Variants in BLTP3B observed in about 807,000 individuals in gnomAD.
BLTP3B encodes the protein bridge-like lipid transfer protein family member 3B, also known as UHRF1 (ICBP90) binding protein 1-like.
At chr12:100,132,861 T>C in the BLTP3B span, among the ~76,000 whole-genome samples, 1 of 152,042 alleles carries the variant, frequency 6.6e-6, no homozygotes, top group African/African-American at 2.4e-5. Flanking sequence ...GGCATAAGAA[T>C]TGCTTAAGCC....
the BLTP3B span, among the ~76,000 whole-genome samples, chr12:100,129,835 C>G: frequency 6.6e-6 from 1 of 152,150 alleles, no homozygotes; most frequent in Non-Finnish European, 1.5e-5. Flanking sequence ...ATTTGGAGGA[C>G]CTAAAAAATT....
At chr12:100,086,442 T>TG in the BLTP3B span, 1 of 824,500 alleles carries the variant, frequency 1.2e-6, no homozygotes, top group East Asian at 2.8e-5. Context: ...TTAGCATACT[T>TG]GGAGTCCAAA....
the BLTP3B span, chr12:100,103,831 G>A: frequency 3.3e-6 from 4 of 1,205,022 alleles, no homozygotes; most frequent in South Asian, 2.0e-5. Flanking sequence ...ATATTTCCAT[G>A]AAACAAAAGA....
At chr12:100,075,614 T>C in the BLTP3B span, among the ~76,000 whole-genome samples, 1 of 152,090 alleles carries the variant, frequency 6.6e-6, no homozygotes, top group Non-Finnish European at 1.5e-5. Flanking sequence ...CCAGAATCTA[T>C]AAGGAACTTG....
At chr12:100,087,337 C>T in the BLTP3B span, among the ~76,000 whole-genome samples, 1 of 151,836 alleles carries the variant, frequency 6.6e-6, no homozygotes, top group Non-Finnish European at 1.5e-5. Context: ...AAAATACTAA[C>T]TGAGACATAG....
At chr12:100,131,020 A>AGAGG in the BLTP3B span, among the ~76,000 whole-genome samples, 2 of 145,740 alleles carry the variant, frequency 1.4e-5, no homozygotes, top group Admixed American at 1.4e-4. Context: ...AGAGAGAGAG[A>AGAGG]GAGAGAGAGA....
chr12:100,092,472 T>A, the BLTP3B span, among the ~76,000 whole-genome samples: 2 of 152,126 alleles, frequency 1.3e-5, no homozygotes, highest in Non-Finnish European at 2.9e-5. Flanking sequence ...AAAGTACATA[T>A]GCTGGGGCAA....
chr12:100,112,433 G>A, the BLTP3B span, among the ~76,000 whole-genome samples: 1 of 152,164 alleles, frequency 6.6e-6, no homozygotes, highest in African/African-American at 2.4e-5. Context: ...CTTGAGCCTG[G>A]GAGGTCAAGG....
chr12:100,120,992 C>T, the BLTP3B span, among the ~76,000 whole-genome samples: 2 of 152,070 alleles, frequency 1.3e-5, no homozygotes, highest in African/African-American at 4.8e-5. Context: ...AGATTAATTG[C>T]AAGATAATAA....
the BLTP3B span, among the ~76,000 whole-genome samples, chr12:100,062,517 A>T: frequency 6.6e-6 from 1 of 152,354 alleles, no homozygotes; most frequent in South Asian, 2.1e-4. Context: ...AAAAACAGTT[A>T]AACTTAATCT....
At chr12:100,126,724 T>C in the BLTP3B span, among the ~76,000 whole-genome samples, 1 of 152,176 alleles carries the variant, frequency 6.6e-6, no homozygotes, top group Non-Finnish European at 1.5e-5. Context: ...AAGGATGGAA[T>C]ACAGAAGTAT....
At chr12:100,106,220 AAGG>A in the BLTP3B span, among the ~76,000 whole-genome samples, 2 of 152,102 alleles carry the variant, frequency 1.3e-5, no homozygotes, top group African/African-American at 4.8e-5. Flanking sequence ...TACCTATCCA[AAGG>A]AAGAGAAGTC....
At chr12:100,075,325 T>C in the BLTP3B span, among the ~76,000 whole-genome samples, 2 of 152,004 alleles carry the variant, frequency 1.3e-5, no homozygotes, top group Non-Finnish European at 2.9e-5. Flanking sequence ...TTCTACTATA[T>C]ACAAAAATTA....
the BLTP3B span, among the ~76,000 whole-genome samples, chr12:100,038,431 G>T: frequency 6.6e-6 from 1 of 152,200 alleles, no homozygotes; most frequent in South Asian, 2.1e-4. Context: ...CACCTCCCGG[G>T]TTCAAGTGAT....
At chr12:100,112,339 C>CA in the BLTP3B span, among the ~76,000 whole-genome samples, 1 of 151,940 alleles carries the variant, frequency 6.6e-6, no homozygotes, top group Non-Finnish European at 1.5e-5. Context: ...CCTATGTCTA[C>CA]AAAAAATTTA....
chr12:100,084,378 TCA>T, the BLTP3B span: 74,986 of 657,002 alleles, frequency 0.11, 2,543 homozygotes, highest in East Asian at 0.24. Flanking sequence ...AATACTATGA[TCA>T]CACACACACA....
the BLTP3B span, chr12:100,102,892 A>G: frequency 1.6e-6 from 2 of 1,242,786 alleles, no homozygotes; most frequent in Non-Finnish European, 2.3e-6. Flanking sequence ...CAATTAGATT[A>G]TTTATTCTAC....
the BLTP3B span, among the ~76,000 whole-genome samples, chr12:100,119,004 A>C: frequency 6.6e-6 from 1 of 152,182 alleles, no homozygotes; most frequent in Non-Finnish European, 1.5e-5. Flanking sequence ...CGGGAGGCTG[A>C]GGCAGGAGAA....
At chr12:100,126,454 GA>G in the BLTP3B span, among the ~76,000 whole-genome samples, 37 of 142,360 alleles carry the variant, frequency 2.6e-4, no homozygotes, top group South Asian at 2.2e-4. Flanking sequence ...AGTGAGAGGA[GA>G]AAAAAAAAAA....
Sources: gnomAD v4.1 joint callset for allele counts (sites outside exome capture counted in the v4.1 genomes callset) on GRCh38, gnomAD v4.1.1 for gene constraint, MANE v1.5 for transcripts, NCBI Gene and HGNC (gene_info 2026-07-23, HGNC 2026-07-21) for gene names.